ZNF28: variants seen among roughly 807,000 people sequenced by gnomAD.
The protein encoded by ZNF28 is zinc finger protein 28, also known as zinc finger protein KOX24.
ZNF28 carries 5 observed loss-of-function variants against 7.2 expected under a neutral mutation model. The observed-to-expected ratio is 0.70, with a 90% CI of 0.36 to 1.46. The LOEUF is 1.46. ZNF28 is among the 40% of genes most tolerant of loss of function. The pLI, the probability that ZNF28 is intolerant of heterozygous loss-of-function variation, is 0.03. For missense variants in ZNF28, 879 were observed against 866.6 expected (o/e 1.01, Z -0.18); for synonymous variants, 288 against 292.4 (o/e 0.99, Z 0.15).
intron 3 of ZNF28, among the ~76,000 whole-genome samples, chr19:52,804,264 C>A (rs1470154908): frequency 1.3e-5 from 2 of 152,208 alleles, no homozygotes; most frequent in Admixed American, 6.5e-5. Context: ...AAATCAATGT[C>A]TTTGTCTTAA....
chr19:52,821,220 C>A (rs1176513119), intron 1 of ZNF28, among the ~76,000 whole-genome samples: 2 of 152,086 alleles, frequency 1.3e-5, no homozygotes, highest in African/African-American at 4.8e-5. Context: ...GGGGTCGCCG[C>A]GCTGTGCTCC....
At chr19:52,811,796 G>A (rs1377255692) in intron 2 of ZNF28, among the ~76,000 whole-genome samples, 86 of 140,014 alleles carry the variant, frequency 6.1e-4, no homozygotes, top group African/African-American at 1.8e-3. Flanking sequence ...CAGCCGCCCC[G>A]TCCGGGAGGT....
chr19:52,810,232 G>C, intron 2 of ZNF28: 1 of 1,171,846 alleles, frequency 8.5e-7, no homozygotes, highest in Admixed American at 1.7e-5. Context: ...GAGAAGCAGA[G>C]GAATATGAGT....
chr19:52,804,845 C>T (rs1600434920), intron 3 of ZNF28, among the ~76,000 whole-genome samples: 1 of 152,194 alleles, frequency 6.6e-6, no homozygotes, highest in East Asian at 1.9e-4. Flanking sequence ...ATGACAGAGA[C>T]AGGAGAAAGA....
intron 3 of ZNF28, among the ~76,000 whole-genome samples, chr19:52,802,783 C>T (rs11881761): frequency 0.77 from 110,570 of 144,112 alleles, 43,616 homozygotes; most frequent in Non-Finnish European, 0.87. Flanking sequence ...TTTTTTGCGA[C>T]GAAATCTTGC....
At position 52,809,969 on chromosome 19, in the gene ZNF28, C is replaced by T. The variant is rs1352048582; in HGVS notation, c.16-1836G>A. The T allele has an allele frequency of 6.2e-5, 49 of 790,156 alleles. No homozygotes were observed. In the East Asian group the frequency reaches 1.2e-3, roughly 19 times the overall value. 48.9% of individuals were successfully genotyped at this position (790,156 alleles called of 1,614,324 possible). ...CGGGGGGCGCAGGGGACGATGGGAA[C>T]GGCCTGGAGTCTGAGGAACTGGAGC... is the stretch of plus-strand genomic sequence containing the variant. On this transcript the variant is annotated intron_variant, in intron 2 of 3. Transcript: ENST00000457749.
rs769160319 is a variant in ZNF28, at chr19:52,800,935, A to G, written c.910T>C (p.Cys304Arg). 1.9e-6 allele frequency: 3 copies of G among 1,614,170 alleles called. No homozygotes were observed. The highest frequency in any genetic ancestry group is 2.2e-5 in the East Asian group (1 of 44,874). ...TADKPYECEE[C>R]DKVFSRKSHL... ...GATTTGCGACTGAAAACTTTGTCAC[A>G]TTCTTCACATTCATAAGGTTTGTCT... The change falls in exon 4 of 4, where the codon TGT becomes CGT. Residue 304 changes from cysteine (C) to arginine (R), a missense_variant. Transcript: ENST00000457749.
chr19:52,801,355 C>A lies in ZNF28; in HGVS notation c.490G>T (p.Val164Phe), dbSNP rs749551793. The A allele has an allele frequency of 4.3e-5, 69 of 1,614,036 alleles. No homozygotes were observed. The highest frequency in any genetic ancestry group is 5.5e-5 in the Non-Finnish European group (65 of 1,180,034). The part of the protein sequence containing the change: ...FQPEGKIGNQ[V>F]EKSINNASSV... Reference sequence around the variant, plus strand: ...GAAGCATTGTTGATAGACTTCTCAACTTGATTACCAATTTTCCCTTCAGGC... The same window carrying A: ...GAAGCATTGTTGATAGACTTCTCAAATTGATTACCAATTTTCCCTTCAGGC... Residue 164 changes from valine to phenylalanine, a missense_variant, in exon 4 of 4, where the codon GTT becomes TTT. Coordinates refer to ENST00000457749, the MANE Select transcript of ZNF28 (RefSeq NM_006969.5).
At chr19:52,802,928 C>T (rs1271957543) in intron 3 of ZNF28, among the ~76,000 whole-genome samples, 1 of 150,306 alleles carries the variant, frequency 6.7e-6, no homozygotes, top group East Asian at 2.0e-4. Flanking sequence ...GTCCAGCTAA[C>T]TTTTTTGTAT....
At chr19:52,806,380 G>A (rs10407963) in intron 3 of ZNF28, among the ~76,000 whole-genome samples, 118,690 of 151,910 alleles carry the variant, frequency 0.78, 47,291 homozygotes, top group Non-Finnish European at 0.87. Flanking sequence ...CTTTAGTAGA[G>A]ACGAAGTTTC....
chr19:52,803,076 T>A (rs561226079), intron 3 of ZNF28, among the ~76,000 whole-genome samples: 56 of 150,994 alleles, frequency 3.7e-4, no homozygotes, highest in African/African-American at 1.2e-3. Flanking sequence ...TTAAAAAAAA[T>A]TTTATGTATT....
At position 52,802,571 on chromosome 19, in the gene ZNF28, G is replaced by T. The variant is rs1173831880; in HGVS notation, c.143-869C>A. 6.6e-5 allele frequency among the ~76,000 whole-genome samples: 10 copies of T among 151,954 alleles called. No individual in the cohort carries two copies. In the East Asian group the frequency reaches 1.9e-3, roughly 30 times the overall value. ...AGGTGCCTGTAATCCCAGCTACTTG[G>T]GAGGCTGAGTCAGGATAATCGCTTG... On this transcript the variant is annotated intron_variant, in intron 3 of 3. Coordinates refer to ENST00000457749, the MANE Select transcript of ZNF28 (RefSeq NM_006969.5).
intron 2 of ZNF28, chr19:52,810,213 A>G: frequency 9.1e-7 from 1 of 1,095,928 alleles, no homozygotes; most frequent in Non-Finnish European, 1.4e-6. Context: ...GGAGCTACAG[A>G]ACGACGTAGA....
At position 52,798,420 on chromosome 19, in the gene ZNF28, T is replaced by C. The variant is rs574518866; in HGVS notation, c.*1268A>G. ...TCAATTAATGCTTGATGGCTTGCTA[T>C]ACTAATGGCATTTGAAACAACTGTC... On this transcript the variant is annotated 3_prime_UTR_variant, in exon 4 of 4. Coordinates refer to ENST00000457749, the MANE Select transcript of ZNF28 (RefSeq NM_006969.5). 266 of 418,578 alleles carry C rather than the reference T, an allele frequency of 6.4e-4. 1 individual carries two copies. The highest frequency in any genetic ancestry group is 5.1e-3 in the African/African-American group (246 of 48,264). The allele number at this position is 418,578 out of a possible 1,614,324, so 25.9% of individuals were successfully genotyped here.
chr19:52,798,680 C>T lies in ZNF28; in HGVS notation c.*1008G>A, dbSNP rs1407143449. On this transcript the variant is annotated 3_prime_UTR_variant, in exon 4 of 4. Transcript: ENST00000457749. ...ACTGAAGACCTTGCCACAATCATGACATTTATAAGGTTTCTCTCCAGCATG... is the reference window on the plus strand; with the variant it reads ...ACTGAAGACCTTGCCACAATCATGATATTTATAAGGTTTCTCTCCAGCATG... 2.3e-6 allele frequency: 1 copy of T among 440,514 alleles called. No individual in the cohort carries two copies. Among genetic ancestry groups the T allele is most frequent in the Non-Finnish European group, 4.6e-6 (1 of 219,722 alleles). The allele number at this position is 440,514 out of a possible 1,614,324, so 27.3% of individuals were successfully genotyped here.
At chr19:52,815,465 C>T (rs1373479578) in intron 2 of ZNF28, among the ~76,000 whole-genome samples, 11 of 145,038 alleles carry the variant, frequency 7.6e-5, no homozygotes, top group Non-Finnish European at 1.5e-4. Context: ...TGCAGTGAGC[C>T]GAGATCATGC....
intron 3 of ZNF28, among the ~76,000 whole-genome samples, chr19:52,804,318 T>C (rs1331407185): frequency 3.3e-5 from 5 of 152,188 alleles, no homozygotes; most frequent in African/African-American, 9.6e-5. Flanking sequence ...GTTTTTGAGA[T>C]GGAGTCATGC....
At chr19:52,802,766 T>C (rs1309658856) in intron 3 of ZNF28, among the ~76,000 whole-genome samples, 1 of 151,382 alleles carries the variant, frequency 6.6e-6, no homozygotes, top group African/African-American at 2.4e-5. Context: ...TGTGACTTTT[T>C]TTTTTTTTTT....
At position 52,799,381 on chromosome 19, in the gene ZNF28, T is replaced by G; in HGVS notation, c.*307A>C. 1 of 595,280 alleles carries G rather than the reference T, an allele frequency of 1.7e-6. No individual in the cohort carries two copies. The highest frequency in any genetic ancestry group is 3.0e-6 in the Non-Finnish European group (1 of 329,114). 36.9% of individuals were successfully genotyped at this position (595,280 alleles called of 1,614,324 possible). A position where few individuals can be genotyped will look rare whatever the true frequency, so the allele number is the denominator to read the frequency against. ...GGTTTCTCTTCAGCATGCATTTTCT[T>G]ATGTGTTTCAAGGTTTGATTTGCAA... On this transcript the variant is annotated 3_prime_UTR_variant, in exon 4 of 4. Transcript: ENST00000457749.
Sources: gnomAD v4.1 joint callset for allele counts (sites outside exome capture counted in the v4.1 genomes callset) on GRCh38, gnomAD v4.1.1 for gene constraint, MANE v1.5 for transcripts, NCBI Gene and HGNC (gene_info 2026-07-23, HGNC 2026-07-21) for gene names.